The following ZIM2 variants were observed in gnomAD, a reference collection of about 807,000 sequenced individuals.
The protein encoded by ZIM2 is zinc finger imprinted 2, also known as zinc finger protein 656.
Under a neutral mutation model 38.6 loss-of-function variants are expected in ZIM2, and 14 were observed. The ratio of observed to expected loss-of-function variants is 0.36; its 90% CI spans 0.24 to 0.57. ZIM2 has a LOEUF of 0.57. Ranked by LOEUF, ZIM2 falls within the 20% of genes least tolerant of loss-of-function variation. The pLI is 0.81. For missense variants in ZIM2, 680 were observed against 695.1 expected (o/e 0.98, Z 0.24); for synonymous variants, 247 against 245.8 (o/e 1.00, Z -0.04).
In ZIM2 at chr19:56,800,199, A is replaced by AG. The variant is rs112697416; in HGVS notation, c.491-10249dup. ...ATGTATGTAAATTTGACCTCACAAT[A>AG]GAAAAAAAAGAATCCTTAAAAAAAT... On this transcript the variant is annotated intron_variant, in intron 9 of 12. Transcript: ENST00000629319. Among the ~76,000 whole-genome samples, 440 of 152,306 alleles carry AG rather than the reference A, an allele frequency of 2.9e-3. 1 individual carries two copies. The highest frequency in any genetic ancestry group is 9.3e-3 in the African/African-American group (385 of 41,564).
intron 11 of ZIM2, 124 bp downstream of exon 11, chr19:56,781,829 C>A: frequency 2.5e-6 from 3 of 1,209,498 alleles, no homozygotes; most frequent in South Asian, 1.7e-5. Flanking sequence ...TAAAATATTG[C>A]CTCTGACCTG....
In ZIM2 at chr19:56,774,852, C is replaced by A. The variant is rs199760190; in HGVS notation, c.1513G>T (p.Val505Phe). 1.2e-6 allele frequency: 2 copies of A among 1,614,132 alleles called. No homozygotes were observed. Among genetic ancestry groups the A allele is most frequent in the African/African-American group, 2.7e-5 (2 of 75,048 alleles). The stretch of plus-strand genomic sequence containing the variant: ...ATGAGATATGAATTCCGACTGAAGA[C>A]TCTGCCACAGTCACAACACTGGCAG... ...RACQCCDCGR[V>F]FSRNSYLIQH... is the part of the protein sequence containing the mutation. Residue 505 changes from valine (V) to phenylalanine (F), a missense_variant, in exon 13 of 13, where the codon GTC becomes TTC. Coordinates refer to ENST00000629319, the MANE Select transcript of ZIM2 (RefSeq NM_001387356.1).
chr19:56,831,673 T>C (rs961240422), intron 2 of ZIM2, among the ~76,000 whole-genome samples: 1 of 152,264 alleles, frequency 6.6e-6, no homozygotes, highest in African/African-American at 2.4e-5. Flanking sequence ...AAATGTTACA[T>C]AACCATTAAG....
chr19:56,821,787 G>A, intron 6 of ZIM2, 33 bp from the exon 7 acceptor site: 1 of 1,611,194 alleles, frequency 6.2e-7, no homozygotes, highest in Non-Finnish European at 8.5e-7. Context: ...CAAGAAGCAG[G>A]GCCCAGTCCA....
chr19:56,782,615 A>T (rs112091499), intron 10 of ZIM2: 6,845 of 342,932 alleles, frequency 0.02, 113 homozygotes, highest in Non-Finnish European at 0.027. Context: ...GAAAATTAAG[A>T]AGTGGGACAA....
At chr19:56,830,624 G>A (rs2061484859) in intron 2 of ZIM2, among the ~76,000 whole-genome samples, 1 of 152,032 alleles carries the variant, frequency 6.6e-6, no homozygotes, top group Non-Finnish European at 1.5e-5. Context: ...ATAAATATGG[G>A]GCAAGCATTA....
chr19:56,793,814 C>T (rs747932404), intron 9 of ZIM2, among the ~76,000 whole-genome samples: 20 of 151,334 alleles, frequency 1.3e-4, no homozygotes, highest in Admixed American at 1.3e-3. Flanking sequence ...ATGAAAGAAA[C>T]CAGGCTCAAA....
chr19:56,812,906 C>A (rs1249413739), intron 9 of ZIM2: 2 of 985,256 alleles, frequency 2.0e-6, no homozygotes, highest in African/African-American at 1.8e-5. Context: ...ACCAATCAAT[C>A]TGGGTCACAA....
chr19:56,786,732 A>G (rs923436464), intron 10 of ZIM2, among the ~76,000 whole-genome samples: 13 of 152,116 alleles, frequency 8.5e-5, no homozygotes, highest in Admixed American at 8.5e-4. Context: ...ATCTTTGACA[A>G]TTTCATTCAT....
At position 56,818,535 on chromosome 19, in the gene ZIM2, A is replaced by G; in HGVS notation, c.397+65T>C. ...GTGGACTCTAACATCCAGCTTAAAAAGGAGCAAGATGACAAAATGCTCCAA... is the reference window on the plus strand; with the variant it reads ...GTGGACTCTAACATCCAGCTTAAAAGGGAGCAAGATGACAAAATGCTCCAA... On this transcript the variant is annotated intron_variant, in intron 8 of 12. Coordinates refer to ENST00000629319, the MANE Select transcript of ZIM2 (RefSeq NM_001387356.1). 4 of 1,554,368 alleles carry G rather than the reference A, an allele frequency of 2.6e-6. No homozygotes were observed. In the South Asian group the frequency reaches 3.4e-5, roughly 13 times the overall value.
intron 2 of ZIM2, among the ~76,000 whole-genome samples, chr19:56,834,897 C>T (rs990216027): frequency 2.0e-5 from 3 of 152,172 alleles, no homozygotes; most frequent in African/African-American, 4.8e-5. Flanking sequence ...GACTCTAAGC[C>T]TGGCATGATC....
intron 10 of ZIM2, among the ~76,000 whole-genome samples, chr19:56,788,941 G>A (rs549434986): frequency 8.0e-5 from 12 of 150,842 alleles, no homozygotes; most frequent in East Asian, 4.0e-4. Context: ...TGATCGATTC[G>A]CTATTGATAC....
intron 9 of ZIM2, among the ~76,000 whole-genome samples, chr19:56,792,751 T>C (rs537711482): frequency 6.6e-5 from 10 of 151,974 alleles, no homozygotes; most frequent in Middle Eastern, 6.8e-3. Context: ...AAGCCCAAAC[T>C]TCAGCAGCAT....
At chr19:56,788,814 T>A (rs145337857) in intron 10 of ZIM2, among the ~76,000 whole-genome samples, 1 of 152,050 alleles carries the variant, frequency 6.6e-6, no homozygotes, top group Middle Eastern at 3.2e-3. Flanking sequence ...TCTTTTCACA[T>A]AGTCCCATAT....
chr19:56,798,837 T>A (rs561472286), intron 9 of ZIM2: 10 of 152,266 alleles, frequency 6.6e-5, no homozygotes, highest in African/African-American at 2.4e-4. Flanking sequence ...GAAATTTATG[T>A]GGGCAATGAA....
chr19:56,811,959 C>T (rs149376979), intron 9 of ZIM2: 148 of 985,384 alleles, frequency 1.5e-4, no homozygotes, highest in Non-Finnish European at 1.2e-4. Flanking sequence ...GCTCTCAGCT[C>T]TACAATCTTC....
intron 2 of ZIM2, among the ~76,000 whole-genome samples, 160 bp from the exon 3 acceptor site, chr19:56,826,623 C>T (rs917812346): frequency 6.6e-6 from 1 of 152,168 alleles, no homozygotes; most frequent in Non-Finnish European, 1.5e-5. Context: ...GCTATATAAA[C>T]CATGCCAGAC....
At chr19:56,794,419 C>T (rs1442729498) in intron 9 of ZIM2, among the ~76,000 whole-genome samples, 1 of 152,206 alleles carries the variant, frequency 6.6e-6, no homozygotes, top group Non-Finnish European at 1.5e-5. Context: ...CTTATCCCCA[C>T]TAAAACTTAC....
At chr19:56,802,687 CT>C (rs1466683382) in intron 9 of ZIM2, among the ~76,000 whole-genome samples, 1 of 152,210 alleles carries the variant, frequency 6.6e-6, no homozygotes, top group African/African-American at 2.4e-5. Flanking sequence ...CCTCTCTTCA[CT>C]TTCAAATGGC....
Sources: allele counts gnomAD v4.1 joint callset (sites outside exome capture counted in the v4.1 genomes callset), GRCh38; gene constraint gnomAD v4.1.1; transcripts MANE v1.5; gene names NCBI Gene and HGNC (gene_info 2026-07-23, HGNC 2026-07-21).